Variants in OR1C1 observed in about 807,000 individuals in gnomAD.
The protein encoded by OR1C1 is olfactory receptor 1C1.
For synonymous variants in OR1C1, 153 were observed against 154.6 expected (o/e 0.99, Z 0.08); for missense variants, 407 against 384.3 (o/e 1.06, Z -0.49).
Position 247,757,976 on chromosome 1 carries a change from A to G in OR1C1, c.431T>C (p.Leu144Pro). Reference sequence around the variant, plus strand: ...AGTAACAAGCCACAGTCCAGCCACTAGCTGGACACAAAGGCACAGGTTCAT... The same window carrying G: ...AGTAACAAGCCACAGTCCAGCCACTGGCTGGACACAAAGGCACAGGTTCAT... The part of the protein sequence containing the change: ...ARMNLCLCVQ[L>P]VAGLWLVTYL... Residue 144 changes from leucine to proline, a missense_variant, in exon 2 of 2, where the codon CTA (leucine) becomes CCA (proline). Transcript: ENST00000641256. 1 of 1,614,118 alleles carries G rather than the reference A, an allele frequency of 6.2e-7. No individual in the cohort carries two copies. Among genetic ancestry groups the G allele is most frequent in the Non-Finnish European group, 8.5e-7 (1 of 1,179,992 alleles).
intron 1 of OR1C1, among the ~76,000 whole-genome samples, chr1:247,760,012 T>C (rs1486050960): frequency 6.6e-6 from 1 of 152,168 alleles, no homozygotes; most frequent in Non-Finnish European, 1.5e-5. Flanking sequence ...ACAATTCCCC[T>C]TTTTCTTGGT....
In OR1C1 at chr1:247,755,604, G is replaced by T. The variant is rs1423371711; in HGVS notation, c.*1858C>A. 6.6e-6 allele frequency: 1 copy of T among 152,052 alleles called. No homozygotes were observed. 9.4% of individuals were successfully genotyped at this position (152,052 alleles called of 1,614,324 possible). A position where few individuals can be genotyped will look rare whatever the true frequency, so the allele number is the denominator to read the frequency against. ...AAGGGAAATGCCAATTAAAACCACC[G>T]TGAGATGCACCTCACACTTGTCTGA... On this transcript the variant is annotated 3_prime_UTR_variant, in exon 2 of 2. Coordinates refer to ENST00000641256, the MANE Select transcript of OR1C1 (RefSeq NM_012353.3).
chr1:247,760,192 A>C (rs1381319217), intron 1 of OR1C1, among the ~76,000 whole-genome samples: 1 of 152,220 alleles, frequency 6.6e-6, no homozygotes, highest in Non-Finnish European at 1.5e-5. Flanking sequence ...TGATTATATA[A>C]TGAATATATG....
In OR1C1 at chr1:247,760,518, A is replaced by G. The variant is rs1273143431; in HGVS notation, c.-120T>C. The G allele has an allele frequency of 6.6e-6, 1 of 152,196 alleles. No homozygotes were observed. The highest frequency in any genetic ancestry group is 6.5e-5 in the Admixed American group (1 of 15,278). The allele number at this position is 152,196 out of a possible 1,614,324, so 9.4% of individuals were successfully genotyped here. A position where few individuals can be genotyped will look rare whatever the true frequency, so the allele number is the denominator to read the frequency against. On this transcript the variant is annotated 5_prime_UTR_variant, in exon 1 of 2. Coordinates refer to ENST00000641256, the MANE Select transcript of OR1C1 (RefSeq NM_012353.3). ...GATTCAGATTTCTAGTCAAGAGTGA[A>G]AAAGAGAAGAATGAGATATAGACAA...
At position 247,757,692 on chromosome 1, in the gene OR1C1, A is replaced by G; in HGVS notation, c.715T>C (p.Ser239Pro). ...ACTGACAGGTGGCAGCTGCAGGTGG[A>G]AACAGCTCTCTGCTTGCCCTGAGTA... The part of the protein sequence containing the change: ...TSTQGKQRAV[S>P]TCSCHLSVVV... The change falls in exon 2 of 2, where the codon TCC (serine) becomes CCC (proline). Residue 239 changes from serine (S) to proline (P), a missense_variant. By Grantham distance (74) the Ser-to-Pro change is moderately conservative. Coordinates refer to ENST00000641256, the MANE Select transcript of OR1C1 (RefSeq NM_012353.3). 1 of 1,614,076 alleles carries G rather than the reference A, an allele frequency of 6.2e-7. No homozygotes were observed. Among genetic ancestry groups the G allele is most frequent in the Non-Finnish European group, 8.5e-7 (1 of 1,180,000 alleles).
At position 247,758,171 on chromosome 1, in the gene OR1C1, G is replaced by A; in HGVS notation, c.236C>T (p.Pro79Leu). The change falls in exon 2 of 2, where the codon CCC becomes CTC. Residue 79 changes from proline to leucine, a missense_variant. By Grantham distance (98) the Pro-to-Leu change is moderately conservative. Transcript: ENST00000641256. ...AGTCAAGATATTCACTACCATTTGG[G>A]GGACTGTAGTCGACGTAAAGCAGAT... ...VDICFTSTTV[P>L]QMVVNILTGT... 1 of 1,614,032 alleles carries A rather than the reference G, an allele frequency of 6.2e-7. No individual in the cohort carries two copies. Among genetic ancestry groups the A allele is most frequent in the South Asian group, 1.1e-5 (1 of 91,060 alleles).
In OR1C1 at chr1:247,758,195, A is replaced by T. The variant is rs1212901687; in HGVS notation, c.212T>A (p.Ile71Asn). 1.2e-6 allele frequency: 2 copies of T among 1,614,112 alleles called. No homozygotes were observed. Among genetic ancestry groups the T allele is most frequent in the Non-Finnish European group, 1.7e-6 (2 of 1,180,004 alleles). ...FFLSNLAFVD[I>N]CFTSTTVPQM... The stretch of plus-strand genomic sequence containing the variant: ...GGGGACTGTAGTCGACGTAAAGCAG[A>T]TGTCAACAAAGGCCAAGTTACTAAG... The change falls in exon 2 of 2, where the codon ATC (isoleucine) becomes AAC (asparagine). Residue 71 changes from isoleucine to asparagine, a missense_variant. Physicochemically the swap from Ile to Asn is moderately radical, Grantham distance 149 (BLOSUM62 -3). Transcript: ENST00000641256.
In OR1C1 at chr1:247,758,420, C is replaced by A; in HGVS notation, c.-13-1G>T. 6.7e-7 allele frequency: 1 copy of A among 1,481,908 alleles called. No homozygotes were observed. The highest frequency in any genetic ancestry group is 1.8e-5 in the Admixed American group (1 of 55,344). The allele number at this position is 1,481,908 out of a possible 1,614,324, so 91.8% of individuals were successfully genotyped here. A position where few individuals can be genotyped will look rare whatever the true frequency, so the allele number is the denominator to read the frequency against. ...TCTTTTTTCCATATTCCCAACAAAT[C>A]TAGAAAAATAAGTTATTAAATTGTA... On this transcript the variant is annotated splice_acceptor_variant, in intron 1 of 1. Transcript: ENST00000641256. LOFTEE classifies it low-confidence loss of function (5UTR_SPLICE).
rs991716173 is a variant in OR1C1 at position 247,756,743 on chromosome 1, A to G, written c.*719T>C. The stretch of plus-strand genomic sequence containing the variant: ...GCTTTGTTTTGAAAGAAGTTAATGT[A>G]TTCCCCATATGAAAAATGCAGCTGA... On this transcript the variant is annotated 3_prime_UTR_variant, in exon 2 of 2. Coordinates refer to ENST00000641256, the MANE Select transcript of OR1C1 (RefSeq NM_012353.3). The surrounding 1 kb of genome is among the most constrained non-coding windows in gnomAD (Gnocchi z 4.3). 6.6e-6 allele frequency: 1 copy of G among 152,218 alleles called. No individual in the cohort carries two copies. Among genetic ancestry groups the G allele is most frequent in the Non-Finnish European group, 1.5e-5 (1 of 68,042 alleles). 9.4% of individuals were successfully genotyped at this position (152,218 alleles called of 1,614,324 possible).
At chr1:247,759,669 C>G (rs992369980) in intron 1 of OR1C1, among the ~76,000 whole-genome samples, 1 of 152,138 alleles carries the variant, frequency 6.6e-6, no homozygotes, top group Non-Finnish European at 1.5e-5. Flanking sequence ...GCTAAGACAG[C>G]TGATTAACCC....
In OR1C1 at chr1:247,758,367, G is replaced by A; in HGVS notation, c.40C>T (p.Leu14Phe). 1 of 1,612,328 alleles carries A rather than the reference G, an allele frequency of 6.2e-7. No individual in the cohort carries two copies. The highest frequency in any genetic ancestry group is 8.5e-7 in the Non-Finnish European group (1 of 1,178,886). ...TCTGCTGAGCTAGGAAGTCCCAGAA[G>A]GACGAATTCCCTGACAACTGTTAGA... Reference protein sequence around the residue: ...RNLTVVREFVLLGLPSSAEQQ... With the variant: ...RNLTVVREFVFLGLPSSAEQQ... The change falls in exon 2 of 2, where the codon CTT becomes TTT. Residue 14 changes from leucine to phenylalanine, a missense_variant. Physicochemically the swap from Leu to Phe is conservative, Grantham distance 22. Transcript: ENST00000641256.
In OR1C1 at chr1:247,758,104, G is replaced by C. The variant is rs1291613977; in HGVS notation, c.303C>G (p.Leu101=). 2.5e-6 allele frequency: 4 copies of C among 1,613,958 alleles called. No individual in the cohort carries two copies. The highest frequency in any genetic ancestry group is 2.7e-5 in the African/African-American group (2 of 74,910). ...TISFAGCLTQ[L]FFFVSFVNMD... is the part of the protein sequence containing the mutation. Reference sequence around the variant, plus strand: ...TATTCACAAAAGAAACGAAGAAGAAGAGCTGGGTGAGGCAGCCTGCAAAAG... The same window carrying C: ...TATTCACAAAAGAAACGAAGAAGAACAGCTGGGTGAGGCAGCCTGCAAAAG... Residue 101 remains leucine, a synonymous_variant, in exon 2 of 2, where the codon CTC becomes CTG. Transcript: ENST00000641256.
rs558055449 is a variant in OR1C1 at position 247,758,281 on chromosome 1, G to A, written c.126C>T (p.Asn42=). The A allele has an allele frequency of 6.2e-7, 1 of 1,614,006 alleles. No homozygotes were observed. The highest frequency in any genetic ancestry group is 8.5e-7 in the Non-Finnish European group (1 of 1,179,948). The change falls in exon 2 of 2, where the codon AAC becomes AAT. Residue 42 remains asparagine (N), a synonymous_variant. Coordinates refer to ENST00000641256, the MANE Select transcript of OR1C1 (RefSeq NM_012353.3). ...AGCCAATCGTCGCAATGATGAGCAT[G>A]TTCCCCAAGGTGGTGGCTAAATACA... The part of the protein sequence containing the change: ...LCMYLATTLG[N]MLIIATIGFD...
Position 247,757,599 on chromosome 1 carries a change from T to C in OR1C1, c.808A>G (p.Ser270Gly), listed in dbSNP as rs1487624129. The C allele has an allele frequency of 5.6e-6, 9 of 1,613,914 alleles. No individual in the cohort carries two copies. The highest frequency in any genetic ancestry group is 7.6e-6 in the Non-Finnish European group (9 of 1,180,002). ...FSPSSPHMPE[S>G]DTLSTIMYSM... Reference sequence around the variant, plus strand: ...TACATGATGGTTGACAGAGTGTCGCTCTCAGGCATATGGGGGGATGAAGGG... The same window carrying C: ...TACATGATGGTTGACAGAGTGTCGCCCTCAGGCATATGGGGGGATGAAGGG... The change falls in exon 2 of 2, where the codon AGC becomes GGC. Residue 270 changes from serine (S) to glycine (G), a missense_variant. Ser to Gly is a moderately conservative substitution (Grantham distance 56, BLOSUM62 0). Transcript: ENST00000641256.
At position 247,758,309 on chromosome 1, in the gene OR1C1, C is replaced by T; in HGVS notation, c.98G>A (p.Cys33Tyr). ...QQHLLSVLFL[C>Y]MYLATTLGNM... ...CCCCAAGGTGGTGGCTAAATACATACAGAGAAAGAGCACAGACAGGAGGTG... is the reference window on the plus strand; with the variant it reads ...CCCCAAGGTGGTGGCTAAATACATATAGAGAAAGAGCACAGACAGGAGGTG... Residue 33 changes from cysteine (C) to tyrosine (Y), a missense_variant, in exon 2 of 2, where the codon TGT becomes TAT. Coordinates refer to ENST00000641256, the MANE Select transcript of OR1C1 (RefSeq NM_012353.3). 1 of 1,613,850 alleles carries T rather than the reference C, an allele frequency of 6.2e-7. No individual in the cohort carries two copies. The highest frequency in any genetic ancestry group is 8.5e-7 in the Non-Finnish European group (1 of 1,179,882).
chr1:247,756,281 T>C lies in OR1C1; in HGVS notation c.*1181A>G, dbSNP rs1351535032. 1 of 152,162 alleles carries C rather than the reference T, an allele frequency of 6.6e-6. No individual in the cohort carries two copies. Among genetic ancestry groups the C allele is most frequent in the African/African-American group, 2.4e-5 (1 of 41,448 alleles). The allele number at this position is 152,162 out of a possible 1,614,324, so 9.4% of individuals were successfully genotyped here. A position where few individuals can be genotyped will look rare whatever the true frequency, so the allele number is the denominator to read the frequency against. On this transcript the variant is annotated 3_prime_UTR_variant, in exon 2 of 2. Transcript: ENST00000641256. The surrounding 1 kb of genome is among the most constrained non-coding windows in gnomAD (Gnocchi z 4.3). Reference sequence around the variant, plus strand: ...TTAAACCCTATTTGGTATTATAAATTAGGTATACATGTTAGAAGAGCTAAA... The same window carrying C: ...TTAAACCCTATTTGGTATTATAAATCAGGTATACATGTTAGAAGAGCTAAA...
In OR1C1 at chr1:247,757,942, G is replaced by A. The variant is rs200839655; in HGVS notation, c.465C>T (p.His155=). The A allele has an allele frequency of 1.2e-5, 20 of 1,613,934 alleles. No homozygotes were observed. Among genetic ancestry groups the A allele is most frequent in the Admixed American group, 1.7e-5 (1 of 59,950 alleles). The change falls in exon 2 of 2, where the codon CAC becomes CAT. Residue 155 remains histidine (H), a synonymous_variant. Transcript: ENST00000641256. ...VAGLWLVTYL[H]ALLHTVLIAQ... ...CTATTAGGACAGTATGCAGGAGGGCGTGGAGGTAAGTAACAAGCCACAGTC... is the reference window on the plus strand; with the variant it reads ...CTATTAGGACAGTATGCAGGAGGGCATGGAGGTAAGTAACAAGCCACAGTC...
In OR1C1 at chr1:247,757,776, G is replaced by T. The variant is rs1297484826; in HGVS notation, c.631C>A (p.Leu211Ile). 44 of 1,613,936 alleles carry T rather than the reference G, an allele frequency of 2.7e-5. No homozygotes were observed. The highest frequency in any genetic ancestry group is 3.6e-5 in the Non-Finnish European group (42 of 1,179,996). Residue 211 changes from leucine (L) to isoleucine (I), a missense_variant, in exon 2 of 2, where the codon CTT becomes ATT. Transcript: ENST00000641256. ...CCATAAGATACGAGGATACAGACAA[G>T]GGGCGTGAGAGCCAATAGACCTCCT... ...AVGGLLALTP[L>I]VCILVSYGLI...
chr1:247,757,606 C>T lies in OR1C1; in HGVS notation c.801G>A (p.Met267Ile), dbSNP rs962844718. Residue 267 changes from methionine to isoleucine, a missense_variant, in exon 2 of 2, where the codon ATG becomes ATA. Met to Ile is a conservative substitution (Grantham distance 10). Coordinates refer to ENST00000641256, the MANE Select transcript of OR1C1 (RefSeq NM_012353.3). ...TGGTTGACAGAGTGTCGCTCTCAGGCATATGGGGGGATGAAGGGCTGAAAT... is the reference window on the plus strand; with the variant it reads ...TGGTTGACAGAGTGTCGCTCTCAGGTATATGGGGGGATGAAGGGCTGAAAT... ...AVYFSPSSPH[M>I]PESDTLSTIM... 4 of 1,613,938 alleles carry T rather than the reference C, an allele frequency of 2.5e-6. No homozygotes were observed. The African/African-American group carries it at 4.0e-5, about 16-fold the overall frequency.
Sources: allele counts gnomAD v4.1 joint callset (sites outside exome capture counted in the v4.1 genomes callset), GRCh38; gene constraint gnomAD v4.1.1; non-coding constraint Gnocchi (gnomAD v3.1); transcripts MANE v1.5; gene names NCBI Gene and HGNC (gene_info 2026-07-23, HGNC 2026-07-21).